Variants in KLHL29 observed in about 807,000 individuals in gnomAD.
KLHL29 encodes kelch-like protein 29.
Under a neutral mutation model 80.4 loss-of-function variants are expected in KLHL29, and 21 were observed. The observed-to-expected ratio is 0.26, with a 90% CI of 0.19 to 0.38. KLHL29 has a LOEUF of 0.38. Among genes scored for constraint, KLHL29 ranks in the 10% least tolerant of loss-of-function variants. The pLI is 1.00. For missense variants in KLHL29, 867 were observed against 1,223.9 expected, an observed-to-expected ratio of 0.71 and a Z score of 4.35; for synonymous variants, 511 against 526.8, an observed-to-expected ratio of 0.97 and a Z score of 0.41.
At chr2:23,413,013 A>G (rs1666902284) in intron 1 of KLHL29, among the ~76,000 whole-genome samples, 1 of 152,130 alleles carries the variant, frequency 6.6e-6, no homozygotes, top group African/African-American at 2.4e-5. Context: ...TTTGAAGATT[A>G]CTTGGTTCTT....
At chr2:23,574,986 C>T (rs1461300013) in intron 3 of KLHL29, among the ~76,000 whole-genome samples, 1 of 152,112 alleles carries the variant, frequency 6.6e-6, no homozygotes, top group East Asian at 1.9e-4. Context: ...AGGGAAGGTT[C>T]CTGGGAAAAT....
chr2:23,602,227 A>C (rs1469533192), intron 3 of KLHL29, among the ~76,000 whole-genome samples: 1 of 152,186 alleles, frequency 6.6e-6, no homozygotes, highest in African/African-American at 2.4e-5. Context: ...TCGGCAAGAC[A>C]TGACGTCGTT....
chr2:23,601,707 G>C (rs1668576173), intron 3 of KLHL29, among the ~76,000 whole-genome samples: 1 of 152,186 alleles, frequency 6.6e-6, no homozygotes. Flanking sequence ...AGAAGCGTGA[G>C]GGCACCTTCC....
chr2:23,577,919 G>A (rs11899769), intron 3 of KLHL29, among the ~76,000 whole-genome samples: 2,970 of 152,210 alleles, frequency 0.02, 119 homozygotes, highest in African/African-American at 0.068. Context: ...GTCTCTGTTC[G>A]GAATGCCCTT....
intron 2 of KLHL29, among the ~76,000 whole-genome samples, chr2:23,511,938 C>T (rs1234824363): frequency 2.6e-5 from 4 of 152,116 alleles, no homozygotes; most frequent in Admixed American, 6.5e-5. Flanking sequence ...CCCCACCTGT[C>T]TTCCGATACA....
At chr2:23,448,702 A>G (rs1663780298) in intron 1 of KLHL29, among the ~76,000 whole-genome samples, 1 of 152,152 alleles carries the variant, frequency 6.6e-6, no homozygotes, top group Non-Finnish European at 1.5e-5. Context: ...AGAGGTGACC[A>G]TGACTGTTTG....
intron 3 of KLHL29, among the ~76,000 whole-genome samples, chr2:23,629,584 AG>A (rs1211933840): frequency 1.3e-5 from 2 of 152,154 alleles, no homozygotes; most frequent in Non-Finnish European, 2.9e-5. Context: ...GCTTGGAGGA[AG>A]GGGCTGGGGG....
chr2:23,633,790 T>TGTG (rs1669535800), intron 3 of KLHL29, among the ~76,000 whole-genome samples: 1 of 151,996 alleles, frequency 6.6e-6, no homozygotes, highest in Admixed American at 6.6e-5. Context: ...TGTGTGTGTG[T>TGTG]GTTTAATTTG....
intron 1 of KLHL29, among the ~76,000 whole-genome samples, chr2:23,450,324 G>A (rs1431315995): frequency 6.6e-6 from 1 of 152,064 alleles, no homozygotes; most frequent in African/African-American, 2.4e-5. Flanking sequence ...TCATGTGAAG[G>A]GTCAGGGTTG....
chr2:23,631,767 G>A lies in KLHL29; in HGVS notation c.286-7372G>A, dbSNP rs1051611919. Among the ~76,000 whole-genome samples the A allele has an allele frequency of 1.2e-3, 176 of 152,276 alleles. 1 individual carries two copies. The highest frequency in any genetic ancestry group is 2.4e-4 in the Non-Finnish European group (16 of 68,038). ...ATTTCCAGCTTTGGTGGCTCTCAAC[G>A]TGTCCTTCTGACCCCCTGAAACCTA... On this transcript the variant is annotated intron_variant, in intron 3 of 13. Transcript: ENST00000486442.
At chr2:23,705,589 T>C (rs1261635301) in intron 13 of KLHL29, among the ~76,000 whole-genome samples, 1 of 149,720 alleles carries the variant, frequency 6.7e-6, no homozygotes, top group East Asian at 2.0e-4. Flanking sequence ...AGAAGGAAAA[T>C]ATGAGGGCCC....
In KLHL29 at chr2:23,518,274, T is replaced by C. The variant is rs180794177; in HGVS notation, c.-46+42607T>C. On this transcript the variant is annotated intron_variant, in intron 2 of 13. Coordinates refer to ENST00000486442, the MANE Select transcript of KLHL29 (RefSeq NM_052920.2). ...GTCGCCTAACAGTCTTAAGCAGTTT[T>C]CACTGTGACCTGTTGTTATTTTCCT... 7.6e-3 allele frequency among the ~76,000 whole-genome samples: 1,157 copies of C among 152,312 alleles called. 11 individuals carry two copies. The highest frequency in any genetic ancestry group is 0.012 in the Non-Finnish European group (819 of 68,026).
chr2:23,386,279 C>G (rs1261649606), intron 1 of KLHL29, among the ~76,000 whole-genome samples: 1 of 152,154 alleles, frequency 6.6e-6, no homozygotes, highest in East Asian at 1.9e-4. Flanking sequence ...AGCGAGAAGC[C>G]AGGTTGGGGT....
intron 3 of KLHL29, among the ~76,000 whole-genome samples, chr2:23,611,884 C>CAAA (rs61102659): frequency 6.7e-4 from 86 of 127,816 alleles, no homozygotes; most frequent in South Asian, 1.2e-3. Flanking sequence ...CAGATGCAAC[C>CAAA]AAAAAAAAAA....
chr2:23,513,319 C>G (rs1168295246), intron 2 of KLHL29, among the ~76,000 whole-genome samples: 1 of 152,190 alleles, frequency 6.6e-6, no homozygotes, highest in African/African-American at 2.4e-5. Flanking sequence ...ACTCCCTGGT[C>G]GAAGCAGAGA....
At chr2:23,628,971 C>A (rs750607742) in intron 3 of KLHL29, among the ~76,000 whole-genome samples, 1 of 152,324 alleles carries the variant, frequency 6.6e-6, no homozygotes, top group African/African-American at 2.4e-5. Flanking sequence ...CTGCCCCTGC[C>A]GTGCCCACCT....
At chr2:23,595,254 T>A (rs1424895676) in intron 3 of KLHL29, among the ~76,000 whole-genome samples, 2 of 152,166 alleles carry the variant, frequency 1.3e-5, no homozygotes, top group Non-Finnish European at 1.5e-5. Flanking sequence ...CCTTCTTTCC[T>A]GCAACGTCAT....
At chr2:23,435,456 A>G (rs1379040334) in intron 1 of KLHL29, among the ~76,000 whole-genome samples, 1 of 152,192 alleles carries the variant, frequency 6.6e-6, no homozygotes, top group Non-Finnish European at 1.5e-5. Context: ...CATAGAGTCC[A>G]GGTGGATATG....
chr2:23,526,148 G>C (rs1436724991), intron 2 of KLHL29, among the ~76,000 whole-genome samples: 1 of 152,244 alleles, frequency 6.6e-6, no homozygotes, highest in Non-Finnish European at 1.5e-5. Context: ...AAGTCATTGA[G>C]TAGAAGATTC....
Sources: gnomAD v4.1 joint callset for allele counts (sites outside exome capture counted in the v4.1 genomes callset) on GRCh38, gnomAD v4.1.1 for gene constraint, MANE v1.5 for transcripts, NCBI Gene and HGNC (gene_info 2026-07-23, HGNC 2026-07-21) for gene names.